Variants in GAB2 observed in about 807,000 individuals in gnomAD.
GAB2 encodes GRB2-associated-binding protein 2.
In GAB2, 26 loss-of-function variants were observed where a neutral mutation model predicts 65.5. The ratio of observed to expected loss-of-function variants is 0.40; its 90% CI spans 0.29 to 0.55. The LOEUF is 0.55. GAB2 is among the 20% of genes least tolerant of loss of function. GAB2 has a pLI of 0.53. For missense variants in GAB2, 884 were observed against 875.8 expected, an observed-to-expected ratio of 1.01 and a Z score of -0.12; for synonymous variants, 321 against 329.6, an observed-to-expected ratio of 0.97 and a Z score of 0.28.
intron 1 of GAB2, among the ~76,000 whole-genome samples, chr11:78,414,237 T>C (rs777407684): frequency 2.6e-5 from 4 of 152,182 alleles, no homozygotes; most frequent in Non-Finnish European, 5.9e-5. Context: ...TTGCTAAGAC[T>C]GAAAGACTGG....
chr11:78,371,672 T>C (rs1856572875), intron 1 of GAB2, among the ~76,000 whole-genome samples: 1 of 152,228 alleles, frequency 6.6e-6, no homozygotes, highest in African/African-American at 2.4e-5. Flanking sequence ...TGCTTATAGC[T>C]GGGGCTAAGC....
At chr11:78,369,032 G>A (rs1226767046) in intron 1 of GAB2, among the ~76,000 whole-genome samples, 1 of 151,792 alleles carries the variant, frequency 6.6e-6, no homozygotes, top group African/African-American at 2.4e-5. Context: ...CAGCTACTCA[G>A]GAGGCTGAGG....
chr11:78,252,111 G>A (rs867009984), intron 2 of GAB2, among the ~76,000 whole-genome samples: 3 of 152,188 alleles, frequency 2.0e-5, no homozygotes, highest in Admixed American at 6.5e-5. Context: ...CACCTTCTAC[G>A]CCCTGTCATC....
chr11:78,412,990 C>A (rs1391252705), intron 1 of GAB2, among the ~76,000 whole-genome samples: 1 of 152,148 alleles, frequency 6.6e-6, no homozygotes, highest in Admixed American at 6.5e-5. Flanking sequence ...TAGTGGGTGA[C>A]GGGGAGTCAA....
intron 2 of GAB2, among the ~76,000 whole-genome samples, chr11:78,269,677 G>A (rs1198945762): frequency 6.6e-6 from 1 of 152,162 alleles, no homozygotes; most frequent in African/African-American, 2.4e-5. Flanking sequence ...AATAATTTGA[G>A]TGTTGACTTA....
chr11:78,410,378 C>T (rs774162748), intron 1 of GAB2, among the ~76,000 whole-genome samples: 1 of 152,176 alleles, frequency 6.6e-6, no homozygotes, highest in Non-Finnish European at 1.5e-5. Context: ...GTGGCACATG[C>T]CTGCAATCCC....
At chr11:78,358,437 AAT>A (rs1856389510) in intron 1 of GAB2, among the ~76,000 whole-genome samples, 2 of 136,244 alleles carry the variant, frequency 1.5e-5, no homozygotes, top group Non-Finnish European at 3.1e-5. Flanking sequence ...TAGAACTTAA[AAT>A]ATAATAATAA....
At position 78,238,169 on chromosome 11, in the gene GAB2, G is replaced by A. The variant is rs11237425; in HGVS notation, c.621-11118C>T. 8.3e-4 allele frequency among the ~76,000 whole-genome samples: 116 copies of A among 140,062 alleles called. 2 individuals are homozygous for A. The East Asian group carries it at 0.024, about 28-fold the overall frequency. 91.9% of individuals were successfully genotyped at this position (140,062 alleles called of 152,430 possible). On this transcript the variant is annotated intron_variant, in intron 3 of 9. Coordinates refer to ENST00000361507, the MANE Select transcript of GAB2 (RefSeq NM_080491.3). ...TAACAAACCTGCACATCCTTCACATGCACCCTGCAACTTAAAATAAAAGTT... is the reference window on the plus strand; with the variant it reads ...TAACAAACCTGCACATCCTTCACATACACCCTGCAACTTAAAATAAAAGTT...
At chr11:78,376,687 C>G (rs1248244962) in intron 1 of GAB2, among the ~76,000 whole-genome samples, 1 of 152,116 alleles carries the variant, frequency 6.6e-6, no homozygotes, top group Non-Finnish European at 1.5e-5. Flanking sequence ...ACCTAGGTTT[C>G]AAGTTCTAAT....
chr11:78,308,162 G>C (rs776540044), intron 1 of GAB2, among the ~76,000 whole-genome samples: 1 of 152,166 alleles, frequency 6.6e-6, no homozygotes, highest in Non-Finnish European at 1.5e-5. Flanking sequence ...AAAACAGGGA[G>C]AGAGAGTATA....
intron 3 of GAB2, among the ~76,000 whole-genome samples, chr11:78,233,740 G>A (rs911790601): frequency 6.6e-6 from 1 of 152,058 alleles, no homozygotes; most frequent in Non-Finnish European, 1.5e-5. Flanking sequence ...GCCAGTAGCT[G>A]GCACTATAGA....
At chr11:78,362,314 G>A (rs2134718146) in intron 1 of GAB2, among the ~76,000 whole-genome samples, 1 of 152,168 alleles carries the variant, frequency 6.6e-6, no homozygotes, top group East Asian at 1.9e-4. Context: ...CAAATATTTT[G>A]TGTTTAAGCC....
intron 1 of GAB2, among the ~76,000 whole-genome samples, chr11:78,362,040 C>G (rs1477162374): frequency 2.0e-5 from 3 of 149,354 alleles, no homozygotes; most frequent in African/African-American, 7.4e-5. Context: ...GAAAACTGTT[C>G]ATGTATCAAT....
intron 4 of GAB2, among the ~76,000 whole-genome samples, chr11:78,225,695 G>C (rs1864620515): frequency 1.3e-5 from 2 of 152,202 alleles, no homozygotes; most frequent in Non-Finnish European, 2.9e-5. Context: ...TAAACTAGGA[G>C]CTGGGACTCT....
intron 1 of GAB2, among the ~76,000 whole-genome samples, chr11:78,323,769 A>T (rs112047052): frequency 1.5e-5 from 2 of 137,718 alleles, no homozygotes; most frequent in African/African-American, 5.4e-5. Context: ...ACAAACCTAC[A>T]CGTGTACCCC....
intron 2 of GAB2, among the ~76,000 whole-genome samples, chr11:78,260,271 T>G (rs1290872285): frequency 6.6e-6 from 1 of 152,176 alleles, no homozygotes. Flanking sequence ...ATCCTGACCT[T>G]GATGCATACG....
chr11:78,333,144 C>A (rs145462204), intron 1 of GAB2, among the ~76,000 whole-genome samples: 1 of 152,316 alleles, frequency 6.6e-6, no homozygotes, highest in Admixed American at 6.5e-5. Context: ...CCCGGAAATA[C>A]TGGGCTCCAA....
intron 1 of GAB2, among the ~76,000 whole-genome samples, chr11:78,287,701 T>C (rs1866525192): frequency 6.7e-6 from 1 of 150,338 alleles, no homozygotes. Context: ...CAGGGTGGAG[T>C]GCAGTGGCAC....
At chr11:78,400,422 T>A (rs950585114) in intron 1 of GAB2, among the ~76,000 whole-genome samples, 1 of 152,214 alleles carries the variant, frequency 6.6e-6, no homozygotes, top group Non-Finnish European at 1.5e-5. Context: ...AAGGCAGGGA[T>A]GAGTACTGAT....
Sources: allele counts gnomAD v4.1 joint callset (sites outside exome capture counted in the v4.1 genomes callset), GRCh38; gene constraint gnomAD v4.1.1; transcripts MANE v1.5; gene names NCBI Gene and HGNC (gene_info 2026-07-23, HGNC 2026-07-21).